DHCR24: variants seen among roughly 807,000 people sequenced by gnomAD.
The protein encoded by DHCR24 is delta(24)-sterol reductase.
Under a neutral mutation model 61.2 loss-of-function variants are expected in DHCR24, and 28 were observed. The ratio of observed to expected loss-of-function variants is 0.46; its 90% CI spans 0.34 to 0.63. The LOEUF (loss-of-function observed/expected upper bound fraction) is 0.63, where lower values mean the gene tolerates loss of function less well. Among genes scored for constraint, DHCR24 ranks in the 20% least tolerant of loss-of-function variants. The pLI, the probability that DHCR24 is intolerant of heterozygous loss-of-function variation, is 0.01. For synonymous variants in DHCR24, 261 were observed against 275.9 expected (o/e 0.95, Z 0.54); for missense variants, 538 against 679.1 (o/e 0.79, Z 2.31).
Position 54,876,040 on chromosome 1 carries a change from C to T in DHCR24, c.395G>A (p.Arg132His), listed in dbSNP as rs775669712. The T allele has an allele frequency of 1.4e-5, 23 of 1,613,624 alleles. No individual in the cohort carries two copies. The highest frequency in any genetic ancestry group is 5.0e-5 in the Admixed American group (3 of 59,992). Residue 132 changes from arginine (R) to histidine (H), a missense_variant, in exon 3 of 9, where the codon CGT becomes CAT. By Grantham distance (29) the Arg-to-His change is conservative (BLOSUM62 0). Coordinates refer to ENST00000371269, the MANE Select transcript of DHCR24 (RefSeq NM_014762.4). ...GCCCATGGTCACCAAGGGCTCCACA[C>T]GGACAATCTGTTGACACAAGAAAAG... ...LEVDTKKQIV[R>H]VEPLVTMGQV...
chr1:54,861,051 C>T (rs373025925), intron 6 of DHCR24, among the ~76,000 whole-genome samples: 19 of 152,124 alleles, frequency 1.2e-4, no homozygotes, highest in East Asian at 7.7e-4. Context: ...GTCCTGACCA[C>T]GCCTGGCCTC....
At chr1:54,869,956 G>A (rs1646988762) in intron 5 of DHCR24, among the ~76,000 whole-genome samples, 1 of 151,902 alleles carries the variant, frequency 6.6e-6, no homozygotes, top group African/African-American at 2.4e-5. Context: ...TTACGAGGCT[G>A]AGGCATGAGA....
chr1:54,871,571 C>T lies in DHCR24; in HGVS notation c.655G>A (p.Gly219Arg). 6.2e-7 allele frequency: 1 copy of T among 1,614,166 alleles called. No homozygotes were observed. Among genetic ancestry groups the T allele is most frequent in the Non-Finnish European group, 8.5e-7 (1 of 1,180,024 alleles). ...GCGGCCACCAGGAAACCCAGCGTCCCACAGGACCAGGGTACGGCATAGAAC... is the reference window on the plus strand; with the variant it reads ...GCGGCCACCAGGAAACCCAGCGTCCTACAGGACCAGGGTACGGCATAGAAC... ...DLFYAVPWSC[G>R]TLGFLVAAEI... The change falls in exon 5 of 9, where the codon GGG becomes AGG. Residue 219 changes from glycine to arginine, a missense_variant. Physicochemically the swap from Gly to Arg is moderately radical, Grantham distance 125. Transcript: ENST00000371269.
At chr1:54,871,941 G>A (rs961469219) in intron 4 of DHCR24, among the ~76,000 whole-genome samples, 1 of 152,140 alleles carries the variant, frequency 6.6e-6, no homozygotes, top group Non-Finnish European at 1.5e-5. Context: ...ACAATGGCAG[G>A]GGCATTGCAC....
chr1:54,864,071 G>A (rs1243670958), intron 6 of DHCR24, among the ~76,000 whole-genome samples: 1 of 152,166 alleles, frequency 6.6e-6, no homozygotes, highest in Non-Finnish European at 1.5e-5. Flanking sequence ...TGAGAATGTT[G>A]AAAAAATAGA....
intron 2 of DHCR24, among the ~76,000 whole-genome samples, chr1:54,880,902 A>G (rs1322452136): frequency 6.6e-6 from 1 of 152,230 alleles, no homozygotes; most frequent in Non-Finnish European, 1.5e-5. Context: ...TAATTCTAGC[A>G]CTTTGGGAGG....
At chr1:54,882,583 C>G (rs1278875181) in intron 2 of DHCR24, among the ~76,000 whole-genome samples, 1 of 152,170 alleles carries the variant, frequency 6.6e-6, no homozygotes, top group Non-Finnish European at 1.5e-5. Context: ...CTGGAGCCAG[C>G]CAAAATGTCC....
rs138667252 is a variant in DHCR24, at chr1:54,871,495, G to A, written c.731C>T (p.Pro244Leu). The change falls in exon 5 of 9, where the codon CCA becomes CTA. Residue 244 changes from proline to leucine, a missense_variant. Transcript: ENST00000371269. ...AKKYVKLRFE[P>L]VRGLEAICAK... ...ACAGATAGCCTCCAGGCCCCGCACT[G>A]GCTCGAAACGCAGCTTGACGTACTT... 1,477 of 1,614,108 alleles carry A rather than the reference G, an allele frequency of 9.2e-4. 2 individuals carry two copies. The highest frequency in any genetic ancestry group is 1.2e-3 in the Non-Finnish European group (1,372 of 1,180,046).
At chr1:54,856,254 G>A (rs1646906840) in intron 6 of DHCR24, among the ~76,000 whole-genome samples, 1 of 152,160 alleles carries the variant, frequency 6.6e-6, no homozygotes, top group East Asian at 1.9e-4. Flanking sequence ...TACTAGAGAG[G>A]CCTTATGGTC....
At chr1:54,867,418 T>C (rs991398207) in intron 5 of DHCR24, among the ~76,000 whole-genome samples, 3 of 152,162 alleles carry the variant, frequency 2.0e-5, no homozygotes, top group Admixed American at 6.5e-5. Flanking sequence ...ATCAGGGTCT[T>C]GCTCACTGGG....
chr1:54,881,463 G>A lies in DHCR24; in HGVS notation c.387+2155C>T, dbSNP rs188738632. ...AAATACCATCTGACACAGTCAGAATGGCTATTATTAAAAAGTCAAAAAATA... is the reference window on the plus strand; with the variant it reads ...AAATACCATCTGACACAGTCAGAATAGCTATTATTAAAAAGTCAAAAAATA... On this transcript the variant is annotated intron_variant, in intron 2 of 8. Transcript: ENST00000371269. Among the ~76,000 whole-genome samples, 696 of 152,276 alleles carry A rather than the reference G, an allele frequency of 4.6e-3. 9 individuals are homozygous for A. The highest frequency in any genetic ancestry group is 0.016 in the African/African-American group (658 of 41,562).
At position 54,852,075 on chromosome 1, in the gene DHCR24, C is replaced by T; in HGVS notation, c.*158G>A. ...CATTCTTTCCATTCCACTGGGCTGCCCCCTGGAAGCCAGGAGGAAGGTGGT... is the reference window on the plus strand; with the variant it reads ...CATTCTTTCCATTCCACTGGGCTGCTCCCTGGAAGCCAGGAGGAAGGTGGT... On this transcript the variant is annotated 3_prime_UTR_variant, in exon 9 of 9. Coordinates refer to ENST00000371269, the MANE Select transcript of DHCR24 (RefSeq NM_014762.4). The T allele has an allele frequency of 2.5e-6, 2 of 811,896 alleles. No individual in the cohort carries two copies. Among genetic ancestry groups the T allele is most frequent in the Non-Finnish European group, 3.9e-6 (2 of 514,642 alleles). The allele number at this position is 811,896 out of a possible 1,614,324, so 50.3% of individuals were successfully genotyped here.
chr1:54,877,307 A>T (rs904481889), intron 2 of DHCR24, among the ~76,000 whole-genome samples: 6 of 151,840 alleles, frequency 4.0e-5, no homozygotes, highest in South Asian at 2.1e-4. Flanking sequence ...TATGACCATC[A>T]TCTCTTATCA....
At chr1:54,856,193 C>T (rs934005370) in intron 6 of DHCR24, among the ~76,000 whole-genome samples, 1 of 152,148 alleles carries the variant, frequency 6.6e-6, no homozygotes. Context: ...GTTGTGTGTT[C>T]CTTTACAAAT....
chr1:54,858,699 G>A (rs2288314), intron 6 of DHCR24, among the ~76,000 whole-genome samples: 9,061 of 152,072 alleles, frequency 0.06, 571 homozygotes, highest in East Asian at 0.3. Flanking sequence ...GAGCAATGGC[G>A]CGATCTCAGC....
chr1:54,879,616 A>G (rs1254895951), intron 2 of DHCR24, among the ~76,000 whole-genome samples: 1 of 152,208 alleles, frequency 6.6e-6, no homozygotes. Flanking sequence ...AAACAGATGA[A>G]GAAATAATGG....
At chr1:54,856,774 T>C (rs537034984) in intron 6 of DHCR24, among the ~76,000 whole-genome samples, 3 of 152,368 alleles carry the variant, frequency 2.0e-5, no homozygotes, top group African/African-American at 7.2e-5. Context: ...GATAAATTCC[T>C]AGAAGTGGAA....
intron 2 of DHCR24, among the ~76,000 whole-genome samples, chr1:54,878,473 C>T (rs1647046551): frequency 7.3e-6 from 1 of 137,474 alleles, no homozygotes; most frequent in African/African-American, 2.8e-5. Context: ...GAGATTGCAC[C>T]ACTGTACTCC....
At position 54,883,614 on chromosome 1, in the gene DHCR24, T is replaced by A. The variant is rs1320996508; in HGVS notation, c.387+4A>T. 2 of 1,614,088 alleles carry A rather than the reference T, an allele frequency of 1.2e-6. No individual in the cohort carries two copies. The highest frequency in any genetic ancestry group is 1.7e-6 in the Non-Finnish European group (2 of 1,180,038). ...CCCAGAGCCCGGAAAAGTGCTACTC[T>A]CACCTGTTTCTTGGTGTCCACTTCC... On this transcript the variant is annotated splice_donor_region_variant and intron_variant, in intron 2 of 8. Coordinates refer to ENST00000371269, the MANE Select transcript of DHCR24 (RefSeq NM_014762.4). The surrounding 1 kb of genome is among the most constrained non-coding windows in gnomAD (Gnocchi z 4.3).
Sources: allele counts gnomAD v4.1 joint callset (sites outside exome capture counted in the v4.1 genomes callset), GRCh38; gene constraint gnomAD v4.1.1; non-coding constraint Gnocchi (gnomAD v3.1); transcripts MANE v1.5; gene names NCBI Gene and HGNC (gene_info 2026-07-23, HGNC 2026-07-21).